Variants in DNAH17 observed in about 807,000 individuals in gnomAD.
The protein encoded by DNAH17 is axonemal beta dynein heavy chain 17.
In DNAH17, 376 loss-of-function variants were observed where a neutral mutation model predicts 485.6. The observed-to-expected ratio is 0.77, with a 90% CI of 0.71 to 0.84. The LOEUF is 0.84. Ranked by LOEUF, DNAH17 falls within the 40% of genes least tolerant of loss-of-function variation. The probability of loss-of-function intolerance (pLI) is 0.00; values close to 1 mark genes in which losing one functional copy is unlikely to be tolerated. For synonymous variants in DNAH17, 3,031 were observed against 2,405.9 expected (o/e 1.26, Z -7.60); for missense variants, 6,370 against 5,839.3 (o/e 1.09, Z -2.96).
At chr17:78,541,571 G>T (rs536350837) in intron 17 of DNAH17, among the ~76,000 whole-genome samples, 1 of 152,144 alleles carries the variant, frequency 6.6e-6, no homozygotes, top group Non-Finnish European at 1.5e-5. Flanking sequence ...TCTAATGACT[G>T]TCATGAGAGT....
In DNAH17 at chr17:78,529,805, C is replaced by T. The variant is rs547159552; in HGVS notation, c.3285-111G>A. On this transcript the variant is annotated intron_variant, in intron 21 of 80. Transcript: ENST00000389840. ...CCGCGGTGAGGTCAACTGGCCATCACTGAAGGCCCCAGGTGGGGAGGGAGC... is the reference window on the plus strand; with the variant it reads ...CCGCGGTGAGGTCAACTGGCCATCATTGAAGGCCCCAGGTGGGGAGGGAGC... 7 of 1,111,850 alleles carry T rather than the reference C, an allele frequency of 6.3e-6. No individual in the cohort carries two copies. In the South Asian group the frequency reaches 9.2e-5, roughly 15 times the overall value. 68.9% of individuals were successfully genotyped at this position (1,111,850 alleles called of 1,614,324 possible).
Position 78,570,884 on chromosome 17 carries a change from AAG to A in DNAH17, c.918+62_918+63del, listed in dbSNP as rs1051046553. 170 of 696,614 alleles carry A rather than the reference AAG, an allele frequency of 2.4e-4. 1 individual carries two copies. The highest frequency in any genetic ancestry group is 6.0e-4 in the African/African-American group (26 of 43,072). 43.2% of individuals were successfully genotyped at this position (696,614 alleles called of 1,614,324 possible). A position where few individuals can be genotyped will look rare whatever the true frequency, so the allele number is the denominator to read the frequency against. On this transcript the variant is annotated intron_variant, in intron 6 of 80. Coordinates refer to ENST00000389840, the MANE Select transcript of DNAH17 (RefSeq NM_173628.4). ...AAAAAAAAAAAAAAAAAAAAGAAAA[AAG>A]AAAAGAAAAGAAAAGAAACAAGACC...
intron 69 of DNAH17, among the ~76,000 whole-genome samples, chr17:78,448,579 G>A (rs1281863062): frequency 1.3e-5 from 2 of 152,156 alleles, no homozygotes; most frequent in Non-Finnish European, 2.9e-5. Flanking sequence ...CCATACTTAT[G>A]GCACAGTGTA....
chr17:78,509,318 C>T (rs998088754), intron 27 of DNAH17, among the ~76,000 whole-genome samples: 14 of 151,996 alleles, frequency 9.2e-5, no homozygotes, highest in Admixed American at 5.9e-4. Context: ...TGGGGTCTGC[C>T]TATGTTGCCC....
intron 14 of DNAH17, among the ~76,000 whole-genome samples, chr17:78,553,865 C>T (rs2091963290): frequency 6.6e-6 from 1 of 152,142 alleles, no homozygotes; most frequent in Admixed American, 6.5e-5. Context: ...AAGGTTTGTA[C>T]TTGATTTCTT....
chr17:78,495,624 G>C (rs896327534), intron 38 of DNAH17, among the ~76,000 whole-genome samples: 1 of 152,068 alleles, frequency 6.6e-6, no homozygotes. Context: ...TTTTAGTAGG[G>C]ACGGGGTTTC....
chr17:78,545,908 AAT>A (rs889452242), intron 16 of DNAH17, among the ~76,000 whole-genome samples: 5 of 152,270 alleles, frequency 3.3e-5, no homozygotes, highest in African/African-American at 1.2e-4. Context: ...TTTGCTGATT[AAT>A]ATTTTATGTG....
At chr17:78,431,475 G>A (rs2086672276) in intron 75 of DNAH17, among the ~76,000 whole-genome samples, 1 of 149,890 alleles carries the variant, frequency 6.7e-6, no homozygotes, top group Non-Finnish European at 1.5e-5. Flanking sequence ...TCCTGGGGGA[G>A]CTGTAGCTCT....
chr17:78,494,040 G>A lies in DNAH17; in HGVS notation c.6404C>T (p.Ser2135Phe). ...TCCCTGGAGCGGGTGACACACCTGA[G>A]ATTTGCCGCTGCCCGCATTCCCGAC... ...FIVGNAGSGK[S>F]QVLKSLNKTY... is the part of the protein sequence containing the mutation. Residue 2135 changes from serine (S) to phenylalanine (F), a missense_variant, in exon 41 of 81, where the codon TCT becomes TTT. Ser to Phe is a radical substitution (Grantham distance 155). Coordinates refer to ENST00000389840, the MANE Select transcript of DNAH17 (RefSeq NM_173628.4). The A allele has an allele frequency of 6.2e-7, 1 of 1,612,114 alleles. No individual in the cohort carries two copies. The highest frequency in any genetic ancestry group is 1.1e-5 in the South Asian group (1 of 90,908).
chr17:78,460,320 A>ATGTGTGTG (rs1568084530), intron 58 of DNAH17, 63 bp from the exon 59 acceptor site: 4 of 1,081,260 alleles, frequency 3.7e-6, no homozygotes, highest in East Asian at 2.9e-5. Context: ...GGGGGCGTGT[A>ATGTGTGTG]CGTGCATGTG....
chr17:78,466,951 T>C, intron 55 of DNAH17, 135 bp from the exon 56 acceptor site: 1 of 898,646 alleles, frequency 1.1e-6, no homozygotes. Flanking sequence ...GGCAGCACAG[T>C]CCTGGTTCTG....
At chr17:78,436,208 C>T (rs914778944) in intron 74 of DNAH17, among the ~76,000 whole-genome samples, 4 of 152,164 alleles carry the variant, frequency 2.6e-5, no homozygotes, top group Admixed American at 6.5e-5. Flanking sequence ...GGGTGGATCA[C>T]CTGAGGTGAG....
chr17:78,442,306 T>C (rs1035617304), intron 71 of DNAH17, among the ~76,000 whole-genome samples: 4 of 152,206 alleles, frequency 2.6e-5, no homozygotes, highest in East Asian at 1.9e-4. Context: ...TGCCTGTCCA[T>C]GCCCTTGGGA....
rs970269698 is a variant in DNAH17 at position 78,465,948 on chromosome 17, G to C, written c.8940+707C>G. ...GGAGGTGTGCCCAGCAGCTCATTGAGAGCGGGCCAGGATGACAGTGGCGGC... is the reference window on the plus strand; with the variant it reads ...GGAGGTGTGCCCAGCAGCTCATTGACAGCGGGCCAGGATGACAGTGGCGGC... On this transcript the variant is annotated intron_variant, in intron 56 of 80. Coordinates refer to ENST00000389840, the MANE Select transcript of DNAH17 (RefSeq NM_173628.4). Among the ~76,000 whole-genome samples, 10 of 152,360 alleles carry C rather than the reference G, an allele frequency of 6.6e-5. No individual in the cohort carries two copies. The East Asian group carries it at 1.9e-3, about 29-fold the overall frequency.
chr17:78,574,995 C>A lies in DNAH17; in HGVS notation c.63G>T (p.Lys21Asn). Reference sequence around the variant, plus strand: ...GCTTGCTCCACTTGTCCGGCTTGAACTTCAGGACGATGGAGGCAACTTCCT... The same window carrying A: ...GCTTGCTCCACTTGTCCGGCTTGAAATTCAGGACGATGGAGGCAACTTCCT... The part of the protein sequence containing the change: ...YLEEVASIVL[K>N]FKPDKWSKLI... Residue 21 changes from lysine to asparagine, a missense_variant, in exon 2 of 81, where the codon AAG becomes AAT. Coordinates refer to ENST00000389840, the MANE Select transcript of DNAH17 (RefSeq NM_173628.4). 1.9e-6 allele frequency: 3 copies of A among 1,614,018 alleles called. No individual in the cohort carries two copies. The highest frequency in any genetic ancestry group is 2.5e-6 in the Non-Finnish European group (3 of 1,179,892).
chr17:78,495,949 G>A lies in DNAH17; in HGVS notation c.5829C>T (p.Val1943=), dbSNP rs770462308. 12 of 1,613,992 alleles carry A rather than the reference G, an allele frequency of 7.4e-6. No homozygotes were observed. Among genetic ancestry groups the A allele is most frequent in the South Asian group, 1.1e-5 (1 of 91,086 alleles). The stretch of plus-strand genomic sequence containing the variant: ...CAGGGTTCATGGTGATGAAGATACC[G>A]ACGGTGGGAATGAGGCCTATGATCT... ...LGEIIGLIPT[V]GIFITMNPGY... Residue 1943 remains valine (V), a synonymous_variant, in exon 38 of 81, where the codon GTC becomes GTT. Coordinates refer to ENST00000389840, the MANE Select transcript of DNAH17 (RefSeq NM_173628.4).
chr17:78,541,159 T>G (rs1209259566), intron 17 of DNAH17, among the ~76,000 whole-genome samples: 1 of 672 alleles, frequency 1.5e-3, no homozygotes, highest in Admixed American at 0.025. Context: ...GTGAGCGGGG[T>G]GGGGGGATGA....
At chr17:78,569,914 G>T (rs1286534731) in intron 7 of DNAH17, among the ~76,000 whole-genome samples, 4 of 151,778 alleles carry the variant, frequency 2.6e-5, no homozygotes, top group African/African-American at 7.3e-5. Flanking sequence ...AGAAGGAAAA[G>T]AAGTCTCTGC....
At chr17:78,445,750 T>G in intron 69 of DNAH17, 70 bp from the exon 70 acceptor site, 3 of 1,519,040 alleles carry the variant, frequency 2.0e-6, no homozygotes, top group Non-Finnish European at 2.7e-6. Flanking sequence ...AGATGCGCGC[T>G]GGACTCGAAG....
Sources: allele counts gnomAD v4.1 joint callset (sites outside exome capture counted in the v4.1 genomes callset), GRCh38; gene constraint gnomAD v4.1.1; transcripts MANE v1.5; gene names NCBI Gene and HGNC (gene_info 2026-07-23, HGNC 2026-07-21).